MSANTD2: variants seen among roughly 807,000 people sequenced by gnomAD.
The protein encoded by MSANTD2 is Myb/SANT DNA binding domain containing 2, also known as myb/SANT-like DNA-binding domain-containing protein 2.
Under a neutral mutation model 52.6 loss-of-function variants are expected in MSANTD2, and 19 were observed. The ratio of observed to expected loss-of-function variants is 0.36; its 90% CI spans 0.25 to 0.53. The LOEUF (loss-of-function observed/expected upper bound fraction) is 0.53. MSANTD2 is among the 20% of genes least tolerant of loss of function. The pLI is 0.91. For missense variants in MSANTD2, 558 were observed against 716.3 expected (o/e 0.78, Z 2.52); for synonymous variants, 291 against 289.7 (o/e 1.00, Z -0.04).
chr11:124,787,767 C>T (rs1344930200), intron 1 of MSANTD2, among the ~76,000 whole-genome samples: 1 of 152,134 alleles, frequency 6.6e-6, no homozygotes, highest in Non-Finnish European at 1.5e-5. Flanking sequence ...GCTATACTGC[C>T]ATAGCTTCTT....
chr11:124,791,666 G>A, intron 1 of MSANTD2: 1 of 1,368,312 alleles, frequency 7.3e-7, no homozygotes, highest in Admixed American at 1.7e-5. Flanking sequence ...ATTTGGTGAG[G>A]GCATTTCTGG....
intron 1 of MSANTD2, among the ~76,000 whole-genome samples, chr11:124,798,944 C>T (rs1219508958): frequency 6.6e-6 from 1 of 152,198 alleles, no homozygotes; most frequent in Non-Finnish European, 1.5e-5. Flanking sequence ...AAATACAACT[C>T]CTTATCTGCC....
chr11:124,770,556 C>G (rs1483429708), intron 3 of MSANTD2, among the ~76,000 whole-genome samples: 1 of 152,122 alleles, frequency 6.6e-6, no homozygotes, highest in Non-Finnish European at 1.5e-5. Context: ...GCCTTGGCCG[C>G]CCAGGATGCT....
At chr11:124,794,514 T>G (rs561379921) in intron 1 of MSANTD2, among the ~76,000 whole-genome samples, 1 of 152,284 alleles carries the variant, frequency 6.6e-6, no homozygotes, top group South Asian at 2.1e-4. Context: ...AGGAAATAAA[T>G]CTAAACCTAT....
At chr11:124,777,142 C>T (rs1233936681) in intron 1 of MSANTD2, among the ~76,000 whole-genome samples, 1 of 152,158 alleles carries the variant, frequency 6.6e-6, no homozygotes, top group Non-Finnish European at 1.5e-5. Context: ...ATTTTTATCT[C>T]ACAATGTCTA....
Position 124,800,354 on chromosome 11 carries a change from C to A in MSANTD2, c.27G>T (p.Leu9=). 1 of 1,542,928 alleles carries A rather than the reference C, an allele frequency of 6.5e-7. No homozygotes were observed. The highest frequency in any genetic ancestry group is 8.7e-7 in the Non-Finnish European group (1 of 1,146,440). MAAPCGSE[L]PANSPLKIPK... ...GAATTTTTAGCGGCGAGTTGGCGGG[C>A]AGCTCCGAGCCACAGGGCGCAGCCA... is the stretch of plus-strand genomic sequence containing the variant. The change falls in exon 1 of 4, where the codon CTG becomes CTT. Residue 9 remains leucine, a synonymous_variant. Transcript: ENST00000374979. The surrounding 1 kb of genome is among the most constrained non-coding windows in gnomAD (Gnocchi z 4.3).
chr11:124,789,757 G>A lies in MSANTD2; in HGVS notation c.510+10114C>T, dbSNP rs532102821. Reference sequence around the variant, plus strand: ...ATCTTTCAATTATTTAGAACAATCGGAGGGGAGGGGAACTCTGCATTGATT... The same window carrying A: ...ATCTTTCAATTATTTAGAACAATCGAAGGGGAGGGGAACTCTGCATTGATT... On this transcript the variant is annotated intron_variant, in intron 1 of 3. Coordinates refer to ENST00000374979, the MANE Select transcript of MSANTD2 (RefSeq NM_001308027.2). 17 of 152,270 alleles carry A rather than the reference G, an allele frequency of 1.1e-4. No homozygotes were observed. In the East Asian group the frequency reaches 2.3e-3, roughly 21 times the overall value. 9.4% of individuals were successfully genotyped at this position (152,270 alleles called of 1,614,324 possible).
chr11:124,775,660 C>T (rs945733178), intron 1 of MSANTD2: 2 of 152,228 alleles, frequency 1.3e-5, no homozygotes, highest in Non-Finnish European at 2.9e-5. Flanking sequence ...ACAATCTACT[C>T]GTCTGTTCTA....
chr11:124,792,529 C>G (rs1197961256), intron 1 of MSANTD2: 1 of 152,238 alleles, frequency 6.6e-6, no homozygotes, highest in Non-Finnish European at 1.5e-5. Context: ...AACTATTCAT[C>G]TACCTTTGAG....
chr11:124,766,517 T>TC lies in MSANTD2; in HGVS notation c.*658_*659insG, dbSNP rs1257614833. The TC allele has an allele frequency of 7.2e-6, 1 of 138,784 alleles. No individual in the cohort carries two copies. The highest frequency in any genetic ancestry group is 2.9e-5 in the African/African-American group (1 of 34,420). 8.6% of individuals were successfully genotyped at this position (138,784 alleles called of 1,614,324 possible). ...CCAAGGGGCCAGGAATTACTTTAAT[T>TC]TTTTTTTTTTAAAAAAAGGTTTAAA... On this transcript the variant is annotated 3_prime_UTR_variant, in exon 4 of 4. Coordinates refer to ENST00000374979, the MANE Select transcript of MSANTD2 (RefSeq NM_001308027.2).
chr11:124,786,639 T>C (rs1211115892), intron 1 of MSANTD2, among the ~76,000 whole-genome samples: 2 of 152,222 alleles, frequency 1.3e-5, no homozygotes, highest in Non-Finnish European at 2.9e-5. Flanking sequence ...TCTTTACTTA[T>C]TAGGTTTCAA....
intron 1 of MSANTD2, among the ~76,000 whole-genome samples, chr11:124,783,075 G>A (rs978696105): frequency 4.6e-5 from 7 of 152,246 alleles, no homozygotes. Context: ...AGAATGTAAG[G>A]TAGTTCTGTC....
rs1429838590 is a variant in MSANTD2, at chr11:124,800,167, C to CCCCCAG, written c.208_213dup (p.Leu70_Gly71dup). ...ACCGAGGACGAGGCGGCGCTGCGGC[C>CCCCCAG]CCCCAGCCCCAGCCCGAGACCCCCG... On this transcript the variant is annotated inframe_insertion, in exon 1 of 4. Coordinates refer to ENST00000374979, the MANE Select transcript of MSANTD2 (RefSeq NM_001308027.2). This position sits in a 1 kb window ranked among gnomAD's most constrained non-coding sequence, Gnocchi z 4.3. The CCCCCAG allele has an allele frequency of 5.5e-6, 8 of 1,466,044 alleles. No individual in the cohort carries two copies. The highest frequency in any genetic ancestry group is 4.7e-4 in the Middle Eastern group (2 of 4,242). The allele number at this position is 1,466,044 out of a possible 1,614,324, so 90.8% of individuals were successfully genotyped here. A position where few individuals can be genotyped will look rare whatever the true frequency, so the allele number is the denominator to read the frequency against.
chr11:124,784,446 C>G (rs2088765889), intron 1 of MSANTD2: 4 of 984,704 alleles, frequency 4.1e-6, no homozygotes, highest in African/African-American at 1.8e-5. Context: ...CCACTACGAA[C>G]TAATTATTCC....
intron 1 of MSANTD2, among the ~76,000 whole-genome samples, chr11:124,798,615 A>G (rs1204631643): frequency 6.6e-6 from 1 of 152,210 alleles, no homozygotes; most frequent in African/African-American, 2.4e-5. Flanking sequence ...TTGTGGACCC[A>G]GTTTTCTAAG....
intron 3 of MSANTD2, among the ~76,000 whole-genome samples, chr11:124,769,583 C>A (rs1394026370): frequency 6.6e-6 from 1 of 152,184 alleles, no homozygotes; most frequent in Non-Finnish European, 1.5e-5. Context: ...GAGGACTATG[C>A]TAAGGAGTTG....
At chr11:124,777,510 G>A (rs924749670) in intron 1 of MSANTD2, among the ~76,000 whole-genome samples, 1 of 152,230 alleles carries the variant, frequency 6.6e-6, no homozygotes, top group Non-Finnish European at 1.5e-5. Context: ...CCACCAAATT[G>A]AGCTTAATAC....
intron 3 of MSANTD2, among the ~76,000 whole-genome samples, chr11:124,771,972 CAGTA>C (rs893470346): frequency 3.3e-5 from 5 of 152,162 alleles, no homozygotes; most frequent in Admixed American, 1.3e-4. Context: ...ATATTCTCCT[CAGTA>C]ATTGTATTTA....
At chr11:124,769,213 TCA>T (rs1316753625) in intron 3 of MSANTD2, among the ~76,000 whole-genome samples, 1 of 152,234 alleles carries the variant, frequency 6.6e-6, no homozygotes, top group Non-Finnish European at 1.5e-5. Context: ...GTGGCCATTC[TCA>T]GTCTGTCCTC....
Sources: allele counts gnomAD v4.1 joint callset (sites outside exome capture counted in the v4.1 genomes callset), GRCh38; gene constraint gnomAD v4.1.1; non-coding constraint Gnocchi (gnomAD v3.1); transcripts MANE v1.5; gene names NCBI Gene and HGNC (gene_info 2026-07-23, HGNC 2026-07-21).